The following PRKD1 variants were observed in gnomAD, a reference collection of about 807,000 sequenced individuals.
The protein encoded by PRKD1 is protein kinase D1, also known as serine/threonine-protein kinase D1.
Under a neutral mutation model 95.9 loss-of-function variants are expected in PRKD1, and 63 were observed. That is an observed-to-expected ratio of 0.66 (90% confidence interval 0.54 to 0.81). The LOEUF (loss-of-function observed/expected upper bound fraction) is 0.81, where lower values mean the gene tolerates loss of function less well. PRKD1 is among the 30% of genes least tolerant of loss of function. The pLI, the probability that PRKD1 is intolerant of heterozygous loss-of-function variation, is 0.00. For missense variants in PRKD1, 1,048 were observed against 1,165.3 expected, an observed-to-expected ratio of 0.90 and a Z score of 1.47; for synonymous variants, 425 against 423.1, an observed-to-expected ratio of 1.00 and a Z score of -0.05.
chr14:29,731,121 A>G (rs1323838278), intron 1 of PRKD1, among the ~76,000 whole-genome samples: 1 of 152,158 alleles, frequency 6.6e-6, no homozygotes, highest in Non-Finnish European at 1.5e-5. Context: ...TGGTAAATAT[A>G]CATAAGTTTT....
intron 1 of PRKD1, among the ~76,000 whole-genome samples, chr14:29,842,501 A>G (rs146735386): frequency 1.3e-5 from 2 of 152,316 alleles, no homozygotes; most frequent in Non-Finnish European, 2.9e-5. Context: ...TAGGCAGTCC[A>G]TTGTTGACTC....
intron 1 of PRKD1, among the ~76,000 whole-genome samples, chr14:29,827,455 T>C (rs1891243181): frequency 6.6e-6 from 1 of 152,078 alleles, no homozygotes; most frequent in South Asian, 2.1e-4. Flanking sequence ...CCACTGGTGA[T>C]CTTTCACAGG....
intron 1 of PRKD1, among the ~76,000 whole-genome samples, chr14:29,787,683 AT>A (rs369372880): frequency 4.6e-5 from 7 of 151,958 alleles, no homozygotes; most frequent in African/African-American, 1.2e-4. Context: ...TGGGTGAAAT[AT>A]TTTTTTCCAT....
At chr14:29,692,177 C>A (rs1175765978) in intron 2 of PRKD1, among the ~76,000 whole-genome samples, 1 of 150,824 alleles carries the variant, frequency 6.6e-6, no homozygotes, top group Non-Finnish European at 1.5e-5. Flanking sequence ...GTAAAAATCT[C>A]TTTAAATGGA....
At chr14:29,870,586 G>C (rs949684892) in intron 1 of PRKD1, among the ~76,000 whole-genome samples, 1 of 152,184 alleles carries the variant, frequency 6.6e-6, no homozygotes, top group Non-Finnish European at 1.5e-5. Flanking sequence ...AACTGCAACT[G>C]AACTACACCT....
chr14:29,640,243 A>G (rs1430694068), intron 4 of PRKD1, among the ~76,000 whole-genome samples: 1 of 152,196 alleles, frequency 6.6e-6, no homozygotes. Context: ...GTTTGCCTCC[A>G]GAGCCCTTGT....
At chr14:29,644,319 C>T (rs1374181139) in intron 4 of PRKD1, among the ~76,000 whole-genome samples, 2 of 152,242 alleles carry the variant, frequency 1.3e-5, no homozygotes, top group East Asian at 3.9e-4. Flanking sequence ...AAAATCTGTG[C>T]AGAACTCTTC....
At chr14:29,750,089 C>T (rs1190714388) in intron 1 of PRKD1, among the ~76,000 whole-genome samples, 1 of 152,172 alleles carries the variant, frequency 6.6e-6, no homozygotes, top group Non-Finnish European at 1.5e-5. Flanking sequence ...AGGACTCTCA[C>T]TCCCTCAGAG....
chr14:29,816,140 C>T (rs1890683992), intron 1 of PRKD1, among the ~76,000 whole-genome samples: 1 of 152,128 alleles, frequency 6.6e-6, no homozygotes. Context: ...GTCACTTGAA[C>T]CAGGGAGTTG....
chr14:29,648,493 A>G (rs184111101), intron 4 of PRKD1, among the ~76,000 whole-genome samples: 2 of 152,330 alleles, frequency 1.3e-5, no homozygotes, highest in South Asian at 2.1e-4. Flanking sequence ...GAGTCTTTAA[A>G]TTATTGAAAG....
At chr14:29,905,776 A>G (rs927663091) in intron 1 of PRKD1, among the ~76,000 whole-genome samples, 1 of 152,220 alleles carries the variant, frequency 6.6e-6, no homozygotes, top group Non-Finnish European at 1.5e-5. Context: ...TGCTTAAAAT[A>G]CAGCGGGTAT....
At chr14:29,591,966 C>T (rs1246321200) in intron 16 of PRKD1, among the ~76,000 whole-genome samples, 1 of 151,978 alleles carries the variant, frequency 6.6e-6, no homozygotes, top group African/African-American at 2.4e-5. Context: ...CTTAGTTGTA[C>T]CTGGTCATCT....
chr14:29,918,699 A>G (rs1165224371), intron 1 of PRKD1, among the ~76,000 whole-genome samples: 2 of 152,222 alleles, frequency 1.3e-5, no homozygotes, highest in East Asian at 1.9e-4. Context: ...AAAAGCCTGT[A>G]TAACATGCCA....
chr14:29,767,699 AAGACGATTTTAGC>A (rs1301433594), intron 1 of PRKD1, among the ~76,000 whole-genome samples: 5 of 152,234 alleles, frequency 3.3e-5, no homozygotes, highest in African/African-American at 1.2e-4. Flanking sequence ...GCATGGAATA[AAGACGATTTTAGC>A]AGCAATGTCA....
chr14:29,843,851 T>C (rs1197181660), intron 1 of PRKD1, among the ~76,000 whole-genome samples: 1 of 152,218 alleles, frequency 6.6e-6, no homozygotes, highest in Non-Finnish European at 1.5e-5. Context: ...ATAGTAAAAG[T>C]TGTTTGCAAC....
chr14:29,766,100 G>A (rs1287803941), intron 1 of PRKD1, among the ~76,000 whole-genome samples: 1 of 152,116 alleles, frequency 6.6e-6, no homozygotes, highest in African/African-American at 2.4e-5. Context: ...GAGCAACGAC[G>A]AAGAGAAGGA....
chr14:29,867,438 C>A (rs1395176290), intron 1 of PRKD1, among the ~76,000 whole-genome samples: 4 of 152,156 alleles, frequency 2.6e-5, no homozygotes, highest in East Asian at 1.9e-4. Context: ...AAAGGCTCAA[C>A]TGAGAAAGAT....
In PRKD1 at chr14:29,783,159, C is replaced by T. The variant is rs114330504; in HGVS notation, c.265-57485G>A. ...ACTAACCTGTCTTTATTCCCAATCC[C>T]ACCCTTCCTAGACTCTGGTAACCAT... On this transcript the variant is annotated intron_variant, in intron 1 of 17. Coordinates refer to ENST00000331968, the MANE Select transcript of PRKD1 (RefSeq NM_002742.3). 7.1e-3 allele frequency among the ~76,000 whole-genome samples: 1,088 copies of T among 152,256 alleles called. 14 individuals carry two copies. The highest frequency in any genetic ancestry group is 0.025 in the African/African-American group (1,023 of 41,542).
intron 16 of PRKD1, among the ~76,000 whole-genome samples, chr14:29,595,818 C>T (rs1376473448): frequency 6.6e-6 from 1 of 152,122 alleles, no homozygotes; most frequent in African/African-American, 2.4e-5. Context: ...TACGGATTTG[C>T]ATTCTGATAA....
Sources: gnomAD v4.1 joint callset for allele counts (sites outside exome capture counted in the v4.1 genomes callset) on GRCh38, gnomAD v4.1.1 for gene constraint, MANE v1.5 for transcripts, NCBI Gene and HGNC (gene_info 2026-07-23, HGNC 2026-07-21) for gene names.